FRMD4A: variants seen among roughly 807,000 people sequenced by gnomAD.
The protein encoded by FRMD4A is FERM domain-containing protein 4A.
In FRMD4A, 29 loss-of-function variants were observed where a neutral mutation model predicts 129.1. That is an observed-to-expected ratio of 0.22 (90% CI 0.17 to 0.31). FRMD4A has a LOEUF of 0.31. Ranked by LOEUF, FRMD4A falls within the 10% of genes least tolerant of loss-of-function variation. FRMD4A has a pLI of 1.00. For missense variants in FRMD4A, 1,272 were observed against 1,375.8 expected, an observed-to-expected ratio of 0.92 and a Z score of 1.19; for synonymous variants, 634 against 571.6, an observed-to-expected ratio of 1.11 and a Z score of -1.56.
intron 2 of FRMD4A, among the ~76,000 whole-genome samples, chr10:14,243,394 G>A (rs1844119434): frequency 6.6e-6 from 1 of 152,162 alleles, no homozygotes; most frequent in African/African-American, 2.4e-5. Flanking sequence ...CTGCCACCAT[G>A]TAAGATGTGC....
chr10:13,902,508 A>G (rs951781195), intron 2 of FRMD4A, among the ~76,000 whole-genome samples: 2 of 149,498 alleles, frequency 1.3e-5, no homozygotes, highest in African/African-American at 4.9e-5. Flanking sequence ...AGATGAGCCA[A>G]CTGAGCCAAC....
chr10:13,954,749 G>C (rs945515082), intron 2 of FRMD4A, among the ~76,000 whole-genome samples: 2 of 152,178 alleles, frequency 1.3e-5, no homozygotes, highest in African/African-American at 4.8e-5. Context: ...GCCCTGCCAA[G>C]GCAGCACCTG....
At chr10:14,021,539 A>T (rs1403769702) in intron 2 of FRMD4A, among the ~76,000 whole-genome samples, 1 of 152,180 alleles carries the variant, frequency 6.6e-6, no homozygotes, top group Non-Finnish European at 1.5e-5. Flanking sequence ...CCTGGGGGAT[A>T]GAGGGAGACC....
chr10:14,277,054 G>A (rs900603014), intron 2 of FRMD4A, among the ~76,000 whole-genome samples: 4 of 152,166 alleles, frequency 2.6e-5, no homozygotes, highest in African/African-American at 7.2e-5. Context: ...TTGTAGAGAC[G>A]GGGTTTTGCC....
intron 2 of FRMD4A, among the ~76,000 whole-genome samples, chr10:14,242,323 A>G (rs1844077454): frequency 6.6e-6 from 1 of 152,214 alleles, no homozygotes; most frequent in African/African-American, 2.4e-5. Flanking sequence ...TAGTACACCT[A>G]AAAGTCAGAC....
chr10:14,104,111 A>G (rs554339225), intron 2 of FRMD4A, among the ~76,000 whole-genome samples: 4 of 152,092 alleles, frequency 2.6e-5, no homozygotes, highest in East Asian at 1.9e-4. Flanking sequence ...CGAGGTCTAC[A>G]TCGCCATCAA....
rs545115449 is a variant in FRMD4A, at chr10:14,185,834, G to A, written c.45+144224C>T. Among the ~76,000 whole-genome samples the A allele has an allele frequency of 7.2e-5, 11 of 152,102 alleles. No homozygotes were observed. In the South Asian group the frequency reaches 1.4e-3, roughly 20 times the overall value. On this transcript the variant is annotated intron_variant, in intron 2 of 24. Transcript: ENST00000357447. ...AGGGTAGACAGGGCAGGGCCCAGTG[G>A]AGACAGCCATGGCCAGGTTTCCCAT... is the stretch of plus-strand genomic sequence containing the variant.
chr10:13,914,722 C>T (rs1400580503), intron 2 of FRMD4A, among the ~76,000 whole-genome samples: 3 of 152,130 alleles, frequency 2.0e-5, no homozygotes, highest in Non-Finnish European at 4.4e-5. Flanking sequence ...AAAACCCATA[C>T]AACCTGAATG....
intron 2 of FRMD4A, among the ~76,000 whole-genome samples, chr10:13,985,193 T>A (rs2095576611): frequency 6.6e-6 from 1 of 152,256 alleles, no homozygotes; most frequent in Non-Finnish European, 1.5e-5. Flanking sequence ...GGAGCTTAGC[T>A]CTGAAGTCCG....
chr10:14,323,897 A>C lies in FRMD4A; in HGVS notation c.45+6161T>G, dbSNP rs372216299. On this transcript the variant is annotated intron_variant, in intron 2 of 24. Coordinates refer to ENST00000357447, the MANE Select transcript of FRMD4A (RefSeq NM_018027.5). The stretch of plus-strand genomic sequence containing the variant: ...CCTACATTCACTAACTCTAAGAACA[A>C]GTAACCCTAGAGCTGCTGGGAGAAG... 5.3e-5 allele frequency among the ~76,000 whole-genome samples: 8 copies of C among 152,342 alleles called. No homozygotes were observed. In the East Asian group the frequency reaches 1.3e-3, roughly 26 times the overall value.
intron 12 of FRMD4A, among the ~76,000 whole-genome samples, chr10:13,723,219 A>T (rs571795637): frequency 6.6e-6 from 1 of 152,118 alleles, no homozygotes; most frequent in African/African-American, 2.4e-5. Context: ...TAGCTAGGTC[A>T]CCAAGCTGGT....
At chr10:13,679,474 T>TATATATATATACACAC (rs1308155926) in intron 15 of FRMD4A, among the ~76,000 whole-genome samples, 14 of 31,488 alleles carry the variant, frequency 4.4e-4, no homozygotes, top group African/African-American at 1.3e-3. Flanking sequence ...TATATATATA[T>TATATATATATACACAC]ACACACACAC....
chr10:13,685,553 T>C (rs987152137), intron 15 of FRMD4A: 12 of 985,056 alleles, frequency 1.2e-5, no homozygotes, highest in African/African-American at 1.7e-5. Flanking sequence ...AGGTTAACTG[T>C]GAATTTCAGT....
intron 2 of FRMD4A, among the ~76,000 whole-genome samples, chr10:14,047,167 G>C (rs1834024511): frequency 6.6e-6 from 1 of 152,176 alleles, no homozygotes; most frequent in Admixed American, 6.5e-5. Flanking sequence ...GACTGTGATG[G>C]AAATTCACCA....
intron 13 of FRMD4A, among the ~76,000 whole-genome samples, chr10:13,702,826 C>G (rs998006790): frequency 3.3e-5 from 5 of 150,742 alleles, no homozygotes; most frequent in African/African-American, 1.2e-4. Flanking sequence ...TGTTCACCCT[C>G]ACTTTTAAGG....
At chr10:13,787,456 TTTTTTTTTC>T (rs1164014234) in intron 5 of FRMD4A, among the ~76,000 whole-genome samples, 2 of 150,022 alleles carry the variant, frequency 1.3e-5, no homozygotes, top group African/African-American at 2.5e-5. Flanking sequence ...AAAGTCAAAA[TTTTTTTTTC>T]TTTTTTTTCT....
chr10:14,079,295 C>G (rs1272936671), intron 2 of FRMD4A, among the ~76,000 whole-genome samples: 1 of 152,126 alleles, frequency 6.6e-6, no homozygotes, highest in African/African-American at 2.4e-5. Flanking sequence ...GTTAAGGAGC[C>G]TGGGCTCCAG....
At chr10:14,326,960 C>T (rs1027248671) in intron 2 of FRMD4A, 13 of 398,590 alleles carry the variant, frequency 3.3e-5, no homozygotes, top group Admixed American at 4.4e-5. Flanking sequence ...TCCCCCCTTC[C>T]GTGGTCATAT....
chr10:14,047,537 G>A (rs1834040464), intron 2 of FRMD4A, among the ~76,000 whole-genome samples: 1 of 152,130 alleles, frequency 6.6e-6, no homozygotes, highest in South Asian at 2.1e-4. Context: ...CTCACCAGCT[G>A]ATTATCAGCT....
Sources: gnomAD v4.1 joint callset for allele counts (sites outside exome capture counted in the v4.1 genomes callset) on GRCh38, gnomAD v4.1.1 for gene constraint, MANE v1.5 for transcripts, NCBI Gene and HGNC (gene_info 2026-07-23, HGNC 2026-07-21) for gene names.